KCNQ1OT1: variants seen among roughly 807,000 people sequenced by gnomAD.
The protein encoded by KCNQ1OT1 is KCNQ1 opposite strand/antisense transcript 1.
Position 2,651,549 on chromosome 11 carries a change from T to C in KCNQ1OT1, n.48446A>G. 4 of 398,616 alleles carry C rather than the reference T, an allele frequency of 1.0e-5. No homozygotes were observed. The highest frequency in any genetic ancestry group is 1.8e-5 in the Non-Finnish European group (4 of 226,070). The allele number at this position is 398,616 out of a possible 1,614,324, so 24.7% of individuals were successfully genotyped here. A position where few individuals can be genotyped will look rare whatever the true frequency, so the allele number is the denominator to read the frequency against. ...GCATATGAGTGTGTCCCTGAGAACA[T>C]GGATATTGTGTTCTTTACCTCCATG... On this transcript the variant is annotated non_coding_transcript_exon_variant, in exon 1 of 1. Coordinates refer to ENST00000597346, the Ensembl canonical transcript of KCNQ1OT1. This position sits in a 1 kb window ranked among gnomAD's most constrained non-coding sequence, Gnocchi z 6.1.
In KCNQ1OT1 at chr11:2,669,232, G is replaced by C. The variant is rs1850138764; in HGVS notation, n.30763C>G. The C allele has an allele frequency of 2.5e-6, 1 of 398,572 alleles. No homozygotes were observed. The highest frequency in any genetic ancestry group is 4.4e-6 in the Non-Finnish European group (1 of 226,140). 24.7% of individuals were successfully genotyped at this position (398,572 alleles called of 1,614,324 possible). Reference sequence around the variant, plus strand: ...CAGGTTTTGACAGCTGGTCCTGCTGGCTCTGGCTGCTTCTCCTTCCCCATC... The same window carrying C: ...CAGGTTTTGACAGCTGGTCCTGCTGCCTCTGGCTGCTTCTCCTTCCCCATC... On this transcript the variant is annotated non_coding_transcript_exon_variant, in exon 1 of 1. Coordinates refer to ENST00000597346, the Ensembl canonical transcript of KCNQ1OT1. This position sits in a 1 kb window ranked among gnomAD's most constrained non-coding sequence, Gnocchi z 5.6.
chr11:2,637,968 A>G (rs1849503556), exon 1 of KCNQ1OT1: 1 of 152,200 alleles, frequency 6.6e-6, no homozygotes, highest in East Asian at 1.9e-4. Flanking sequence ...TTATTGGTTT[A>G]AAGTCTGTTT....
chr11:2,640,332 A>G (rs562763572), exon 1 of KCNQ1OT1: 3 of 398,472 alleles, frequency 7.5e-6, no homozygotes, highest in African/African-American at 2.1e-5. Context: ...AGCTCCTCCT[A>G]TTCGGCCATC....
chr11:2,698,235 A>G lies in KCNQ1OT1; in HGVS notation n.1760T>C, dbSNP rs1004600801. The G allele has an allele frequency of 5.0e-6, 2 of 398,680 alleles. No individual in the cohort carries two copies. The highest frequency in any genetic ancestry group is 8.8e-6 in the Non-Finnish European group (2 of 226,074). 24.7% of individuals were successfully genotyped at this position (398,680 alleles called of 1,614,324 possible). On this transcript the variant is annotated non_coding_transcript_exon_variant, in exon 1 of 1. Transcript: ENST00000597346. The surrounding 1 kb of genome is among the most constrained non-coding windows in gnomAD (Gnocchi z 5.1). ...TAAATGCACATCAAATGTGGATATT[A>G]TCAGGAAAGTTTTTATACTTTGTGA...
exon 1 of KCNQ1OT1, chr11:2,633,693 C>T (rs1358746871): frequency 2.5e-6 from 1 of 398,388 alleles, no homozygotes; most frequent in Non-Finnish European, 4.4e-6. Context: ...TTATTTACTT[C>T]TGGGTTCTCT....
chr11:2,619,069 G>A (rs1849119034), exon 1 of KCNQ1OT1: 1 of 398,290 alleles, frequency 2.5e-6, no homozygotes, highest in Non-Finnish European at 4.4e-6. Flanking sequence ...CTAACAGGTT[G>A]CTTTGTCAGA....
exon 1 of KCNQ1OT1, chr11:2,636,333 G>A (rs1184693859): frequency 1.3e-5 from 2 of 151,902 alleles, no homozygotes; most frequent in Non-Finnish European, 2.9e-5. Context: ...GTCATAAATA[G>A]CTCTTATTAT....
chr11:2,649,178 TCTTTCA>T (rs1410403095), exon 1 of KCNQ1OT1: 1 of 398,160 alleles, frequency 2.5e-6, no homozygotes, highest in East Asian at 3.6e-5. Flanking sequence ...CCAGTATCTA[TCTTTCA>T]TTTGGGAAAT....
At chr11:2,615,353 T>C (rs1285206780) in exon 1 of KCNQ1OT1, 1 of 398,000 alleles carries the variant, frequency 2.5e-6, no homozygotes, top group African/African-American at 2.1e-5. Flanking sequence ...AGAGTTTTAC[T>C]GCTTCCTTTC....
rs908857033 is a variant in KCNQ1OT1 at position 2,644,865 on chromosome 11, T to G, written n.55130A>C. On this transcript the variant is annotated non_coding_transcript_exon_variant, in exon 1 of 1. Transcript: ENST00000597346. ...CCTCTGTAGTTTAGGATGCAGTTGT[T>G]GGTGGAGGCTGTGGTAAAGTCTGGC... 4 of 398,620 alleles carry G rather than the reference T, an allele frequency of 1.0e-5. No individual in the cohort carries two copies. In the Admixed American group the frequency reaches 1.8e-4, roughly 18 times the overall value. 24.7% of individuals were successfully genotyped at this position (398,620 alleles called of 1,614,324 possible). A position where few individuals can be genotyped will look rare whatever the true frequency, so the allele number is the denominator to read the frequency against.
At chr11:2,616,788 C>T in exon 1 of KCNQ1OT1, 1 of 398,124 alleles carries the variant, frequency 2.5e-6, no homozygotes, top group Admixed American at 4.4e-5. Context: ...TTTATTGAGA[C>T]TCTTTTGTGG....
In KCNQ1OT1 at chr11:2,640,906, A is replaced by T. The variant is rs550088756; in HGVS notation, n.59089T>A. On this transcript the variant is annotated non_coding_transcript_exon_variant, in exon 1 of 1. Transcript: ENST00000597346. ...TGAGATCAACTTTTATAGCTCCCAC[A>T]TATGATAATAACATAAGATAATTAT... is the stretch of plus-strand genomic sequence containing the variant. The T allele has an allele frequency of 1.0e-5, 4 of 399,568 alleles. No individual in the cohort carries two copies. In the East Asian group the frequency reaches 1.4e-4, roughly 14 times the overall value. 24.8% of individuals were successfully genotyped at this position (399,568 alleles called of 1,614,324 possible).
rs537649560 is a variant in KCNQ1OT1 at position 2,682,712 on chromosome 11, T to C, written n.17283A>G. On this transcript the variant is annotated non_coding_transcript_exon_variant, in exon 1 of 1. Coordinates refer to ENST00000597346, the Ensembl canonical transcript of KCNQ1OT1. The surrounding 1 kb of genome is among the most constrained non-coding windows in gnomAD (Gnocchi z 5.8). ...GGTCCAAAGTTGACCAGAATATCTC[T>C]AGTCATAAAGAATCTCTTCCCCTTG... 9 of 398,608 alleles carry C rather than the reference T, an allele frequency of 2.3e-5. No homozygotes were observed. The South Asian group carries it at 6.4e-4, about 28-fold the overall frequency. 24.7% of individuals were successfully genotyped at this position (398,608 alleles called of 1,614,324 possible). A position where few individuals can be genotyped will look rare whatever the true frequency, so the allele number is the denominator to read the frequency against.
chr11:2,661,615 C>T lies in KCNQ1OT1; in HGVS notation n.38380G>A. On this transcript the variant is annotated non_coding_transcript_exon_variant, in exon 1 of 1. Coordinates refer to ENST00000597346, the Ensembl canonical transcript of KCNQ1OT1. This position sits in a 1 kb window ranked among gnomAD's most constrained non-coding sequence, Gnocchi z 5.9. ...CCCTTACCAGGCCTGTGCCTGTCAC[C>T]TCTGTTTTATTCTTGACCCAAGTGT... 1 of 583,006 alleles carries T rather than the reference C, an allele frequency of 1.7e-6. No individual in the cohort carries two copies. The highest frequency in any genetic ancestry group is 3.1e-6 in the Non-Finnish European group (1 of 327,366). The allele number at this position is 583,006 out of a possible 1,614,324, so 36.1% of individuals were successfully genotyped here.
In KCNQ1OT1 at chr11:2,698,942, C is replaced by T; in HGVS notation, n.1053G>A. 2.5e-6 allele frequency: 1 copy of T among 398,614 alleles called. No homozygotes were observed. The allele number at this position is 398,614 out of a possible 1,614,324, so 24.7% of individuals were successfully genotyped here. ...TGGACCCTAGACCCGAATTCTGATCCCAACTAGGATACCTAACTCAGAACC... is the reference window on the plus strand; with the variant it reads ...TGGACCCTAGACCCGAATTCTGATCTCAACTAGGATACCTAACTCAGAACC... On this transcript the variant is annotated non_coding_transcript_exon_variant, in exon 1 of 1. Coordinates refer to ENST00000597346, the Ensembl canonical transcript of KCNQ1OT1. The surrounding 1 kb of genome is among the most constrained non-coding windows in gnomAD (Gnocchi z 5.1).
chr11:2,692,712 G>A (rs767142793), exon 1 of KCNQ1OT1: 2 of 398,686 alleles, frequency 5.0e-6, no homozygotes. Context: ...AACCCTGGGA[G>A]GGTAGGCAGG....
rs749794052 is a variant in KCNQ1OT1, at chr11:2,620,212, T to TATATATATATA, written n.79782_79783insTATATATATAT. 2 of 202,278 alleles carry TATATATATATA rather than the reference T, an allele frequency of 9.9e-6. No individual in the cohort carries two copies. The highest frequency in any genetic ancestry group is 1.8e-5 in the Non-Finnish European group (2 of 112,238). The allele number at this position is 202,278 out of a possible 1,614,324, so 12.5% of individuals were successfully genotyped here. The stretch of plus-strand genomic sequence containing the variant: ...AAGTTCATTCATGTATATATATATA[T>TATATATATATA]TTTTTTTTTTTATTTTTTTTTTAGA... On this transcript the variant is annotated non_coding_transcript_exon_variant, in exon 1 of 1. Coordinates refer to ENST00000597346, the Ensembl canonical transcript of KCNQ1OT1. This position sits in a 1 kb window ranked among gnomAD's most constrained non-coding sequence, Gnocchi z 4.5.
rs1850573796 is a variant in KCNQ1OT1, at chr11:2,690,673, G to A, written n.9322C>T. The A allele has an allele frequency of 5.0e-6, 2 of 398,658 alleles. No individual in the cohort carries two copies. Among genetic ancestry groups the A allele is most frequent in the East Asian group, 7.1e-5 (2 of 28,076 alleles). 24.7% of individuals were successfully genotyped at this position (398,658 alleles called of 1,614,324 possible). The stretch of plus-strand genomic sequence containing the variant: ...AGTGTATGTGTGTCAGTGCACATAG[G>A]TATAGGGGCTGTCTCTCAGAATTCC... On this transcript the variant is annotated non_coding_transcript_exon_variant, in exon 1 of 1. Transcript: ENST00000597346. This position sits in a 1 kb window ranked among gnomAD's most constrained non-coding sequence, Gnocchi z 5.1.
rs1447262806 is a variant in KCNQ1OT1 at position 2,695,741 on chromosome 11, T to C, written n.4254A>G. The C allele has an allele frequency of 1.8e-5, 7 of 398,546 alleles. No homozygotes were observed. The highest frequency in any genetic ancestry group is 3.6e-5 in the East Asian group (1 of 28,084). 24.7% of individuals were successfully genotyped at this position (398,546 alleles called of 1,614,324 possible). A position where few individuals can be genotyped will look rare whatever the true frequency, so the allele number is the denominator to read the frequency against. On this transcript the variant is annotated non_coding_transcript_exon_variant, in exon 1 of 1. Coordinates refer to ENST00000597346, the Ensembl canonical transcript of KCNQ1OT1. This position sits in a 1 kb window ranked among gnomAD's most constrained non-coding sequence, Gnocchi z 5.2. ...ACCTGCAGCACACAGGGAGGCTTGT[T>C]CCTTGCCTTCTGCCAACACTTGGCC...
Sources: gnomAD v4.1 joint callset for allele counts on GRCh38, gnomAD v4.1.1 for gene constraint, Gnocchi (gnomAD v3.1) non-coding constraint, MANE v1.5 for transcripts, NCBI Gene and HGNC (gene_info 2026-07-23, HGNC 2026-07-21) for gene names.